USP28: variants seen among roughly 807,000 people sequenced by gnomAD.
USP28 encodes the protein ubiquitin specific peptidase 28.
USP28 carries 113 observed loss-of-function variants against 145.0 expected under a neutral mutation model. The observed-to-expected ratio is 0.78, with a 90% CI of 0.67 to 0.91. USP28 has a LOEUF of 0.91. USP28 is among the 40% of genes least tolerant of loss of function. The probability of loss-of-function intolerance (pLI) is 0.00; values close to 1 mark genes in which losing one functional copy is unlikely to be tolerated. For missense variants in USP28, 1,201 were observed against 1,289.6 expected (o/e 0.93, Z 1.05); for synonymous variants, 447 against 450.9 (o/e 0.99, Z 0.11).
chr11:113,817,805 A>T, exon 13 of USP28: 1 of 1,614,188 alleles, frequency 6.2e-7, no homozygotes, highest in Non-Finnish European at 8.5e-7. Flanking sequence ...CGGGAGCGGG[A>T]ACCGAGCTGG....
intron 1 of USP28, among the ~76,000 whole-genome samples, chr11:113,863,643 CA>C (rs71063528): frequency 0.74 from 91,978 of 124,886 alleles, 33,587 homozygotes; most frequent in East Asian, 0.88. Context: ...GACCCTGTCT[CA>C]AAAAAAAAAA....
At chr11:113,815,005 T>C (rs1355429193) in intron 14 of USP28, among the ~76,000 whole-genome samples, 169 bp downstream of exon 14, 1 of 152,002 alleles carries the variant, frequency 6.6e-6, no homozygotes, top group Admixed American at 6.6e-5. Flanking sequence ...TGAGCTGAGA[T>C]TGCACCACTG....
intron 11 of USP28, among the ~76,000 whole-genome samples, chr11:113,826,337 A>ATTTTTTTTT (rs71063527): frequency 3.9e-5 from 2 of 50,764 alleles, no homozygotes; most frequent in East Asian, 8.7e-4. Flanking sequence ...CACCACACCC[A>ATTTTTTTTT]TTTTTTTTTT....
intron 16 of USP28, among the ~76,000 whole-genome samples, chr11:113,810,654 G>A (rs904590282): frequency 7.2e-5 from 11 of 152,056 alleles, no homozygotes; most frequent in African/African-American, 2.7e-4. Flanking sequence ...GAAAGATAAC[G>A]TGCTGCCTGG....
chr11:113,831,053 A>C, intron 8 of USP28, 110 bp from the exon 9 acceptor site: 5 of 1,018,014 alleles, frequency 4.9e-6, no homozygotes, highest in Non-Finnish European at 6.2e-6. Flanking sequence ...TCAACCCCCA[A>C]AGAGCCAGGT....
rs763315579 is a variant in USP28, at chr11:113,841,641, A to T, written c.374+22T>A. On this transcript the variant is annotated intron_variant, in intron 4 of 24. Transcript: ENST00000003302. ...GATACACACAAATGTGGGGGGCAAG[A>T]ATTATAAGTTAAATCAATAACCTGT... The T allele has an allele frequency of 1.9e-5, 29 of 1,532,436 alleles. 1 individual carries two copies. The Admixed American group carries it at 4.3e-4, about 23-fold the overall frequency. The allele number at this position is 1,532,436 out of a possible 1,614,324, so 94.9% of individuals were successfully genotyped here.
intron 22 of USP28, 98 bp downstream of exon 23, chr11:113,803,700 A>C (rs917466951): frequency 1.1e-6 from 1 of 926,832 alleles, no homozygotes. Context: ...GTGACAAGGG[A>C]GGTTATGCAT....
chr11:113,810,358 C>T (rs1940776570), intron 16 of USP28, among the ~76,000 whole-genome samples: 1 of 152,112 alleles, frequency 6.6e-6, no homozygotes, highest in Admixed American at 6.5e-5. Flanking sequence ...TTTTCTAACC[C>T]TGTGACCAAA....
At chr11:113,836,977 T>A (rs910375375) in intron 5 of USP28, among the ~76,000 whole-genome samples, 19 of 152,114 alleles carry the variant, frequency 1.2e-4, no homozygotes, top group Non-Finnish European at 2.2e-4. Flanking sequence ...TGTTTTTTTA[T>A]CCCAATAGCT....
At chr11:113,845,883 G>C (rs186982190) in intron 3 of USP28, among the ~76,000 whole-genome samples, 1 of 152,078 alleles carries the variant, frequency 6.6e-6, no homozygotes, top group Non-Finnish European at 1.5e-5. Flanking sequence ...ACTAAAACAG[G>C]GTCTTGTAGA....
intron 1 of USP28, among the ~76,000 whole-genome samples, chr11:113,863,636 C>G (rs1019609218): frequency 2.4e-4 from 30 of 122,606 alleles, no homozygotes; most frequent in Admixed American, 4.5e-4. Flanking sequence ...AGAGTGAGAC[C>G]CTGTCTCAAA....
intron 11 of USP28, 27 bp from the exon 12 acceptor site, chr11:113,823,727 T>A: frequency 6.5e-7 from 1 of 1,528,830 alleles, no homozygotes; most frequent in Non-Finnish European, 8.9e-7. Flanking sequence ...ACAAACACAA[T>A]TTATATTATA....
chr11:113,845,289 CT>C (rs1476484328), intron 3 of USP28, among the ~76,000 whole-genome samples: 2 of 151,364 alleles, frequency 1.3e-5, no homozygotes, highest in Admixed American at 6.6e-5. Context: ...AAATACAAAA[CT>C]TAGCTAGGCG....
chr11:113,846,898 G>A (rs1945921138), intron 3 of USP28, among the ~76,000 whole-genome samples: 1 of 152,152 alleles, frequency 6.6e-6, no homozygotes, highest in South Asian at 2.1e-4. Context: ...GGGAGGCTGA[G>A]GCAGGAGAAT....
At chr11:113,823,536 A>G in intron 12 of USP28, 69 bp downstream of exon 12, 1 of 1,207,202 alleles carries the variant, frequency 8.3e-7, no homozygotes. Flanking sequence ...GTTAATTTTT[A>G]AAGAAAAACA....
At chr11:113,841,920 A>T (rs1945246085) in intron 3 of USP28, 152 bp from the exon 4 acceptor site, 1 of 455,394 alleles carries the variant, frequency 2.2e-6, no homozygotes, top group Non-Finnish European at 3.9e-6. Flanking sequence ...TAGTCAAATG[A>T]GTAACTTCGG....
chr11:113,857,772 T>C (rs1396397835), intron 1 of USP28, among the ~76,000 whole-genome samples: 1 of 152,218 alleles, frequency 6.6e-6, no homozygotes, highest in Non-Finnish European at 1.5e-5. Context: ...ACTGTAATAT[T>C]ACCATTCCTC....
chr11:113,799,449 C>A, intron 24 of USP28, 34 bp from the exon 26 acceptor site: 1 of 1,589,132 alleles, frequency 6.3e-7, no homozygotes, highest in Non-Finnish European at 8.5e-7. Context: ...ACATATACAG[C>A]TAAACAGATT....
At chr11:113,852,769 G>A in intron 2 of USP28, 136 bp from the exon 3 acceptor site, 1 of 999,546 alleles carries the variant, frequency 1.0e-6, no homozygotes, top group Non-Finnish European at 1.5e-6. Flanking sequence ...ATGAGACTAT[G>A]GTGGACAGTA....
Sources: allele counts gnomAD v4.1 joint callset (sites outside exome capture counted in the v4.1 genomes callset), GRCh38; gene constraint gnomAD v4.1.1; transcripts MANE v1.5; gene names NCBI Gene and HGNC (gene_info 2026-07-23, HGNC 2026-07-21).